Variants in SCP2 observed in about 807,000 individuals in gnomAD.
SCP2 encodes the protein sterol carrier protein 2.
Under a neutral mutation model 71.4 loss-of-function variants are expected in SCP2, and 48 were observed. The observed-to-expected ratio is 0.67, with a 90% confidence interval of 0.53 to 0.86. The LOEUF (loss-of-function observed/expected upper bound fraction) is 0.86, where lower values mean the gene tolerates loss of function less well. SCP2 is among the 40% of genes least tolerant of loss of function. The probability of loss-of-function intolerance (pLI) is 0.00; values close to 1 mark genes in which losing one functional copy is unlikely to be tolerated. For missense variants in SCP2, 560 were observed against 655.6 expected, an observed-to-expected ratio of 0.85 and a Z score of 1.59; for synonymous variants, 220 against 218.1, an observed-to-expected ratio of 1.01 and a Z score of -0.08.
intron 13 of SCP2, among the ~76,000 whole-genome samples, chr1:53,038,626 A>G (rs1444491766): frequency 6.6e-6 from 1 of 152,052 alleles, no homozygotes; most frequent in Non-Finnish European, 1.5e-5. Context: ...GCTGGCCTCC[A>G]ACTCTTGGGC....
chr1:52,943,861 T>G (rs773912082), intron 2 of SCP2: 18 of 448,202 alleles, frequency 4.0e-5, no homozygotes, highest in Non-Finnish European at 6.7e-5. Context: ...TGCGAGCAGC[T>G]TTTATAGCCA....
intron 10 of SCP2, among the ~76,000 whole-genome samples, chr1:52,987,366 T>C (rs930426331): frequency 6.6e-6 from 1 of 152,184 alleles, no homozygotes; most frequent in Non-Finnish European, 1.5e-5. Flanking sequence ...CCATCATTAC[T>C]ATCATTATTT....
At chr1:53,036,476 T>C (rs1275479741) in intron 13 of SCP2, among the ~76,000 whole-genome samples, 1 of 149,738 alleles carries the variant, frequency 6.7e-6, no homozygotes, top group Non-Finnish European at 1.5e-5. Flanking sequence ...TAGGTTTGAA[T>C]TCTTGCTCTT....
chr1:52,927,320 G>A lies in SCP2; in HGVS notation c.-77G>A, dbSNP rs1206089911. On this transcript the variant is annotated 5_prime_UTR_variant, in exon 1 of 16. Coordinates refer to ENST00000371514, the MANE Select transcript of SCP2 (RefSeq NM_002979.5). ...CGCGGCCCTGGCTTCGGGCTTCAGG[G>A]AGCTCTGGTGCAGTCTCCGCCTGTC... The A allele has an allele frequency of 3.9e-6, 5 of 1,297,068 alleles. No homozygotes were observed. Among genetic ancestry groups the A allele is most frequent in the African/African-American group, 1.5e-5 (1 of 68,216 alleles). The allele number at this position is 1,297,068 out of a possible 1,614,324, so 80.3% of individuals were successfully genotyped here. A position where few individuals can be genotyped will look rare whatever the true frequency, so the allele number is the denominator to read the frequency against.
At chr1:53,014,304 A>T (rs1291382809) in intron 11 of SCP2, among the ~76,000 whole-genome samples, 1 of 152,176 alleles carries the variant, frequency 6.6e-6, no homozygotes, top group Non-Finnish European at 1.5e-5. Context: ...CTTACCTCTG[A>T]AATTAGCCTG....
intron 2 of SCP2, chr1:52,943,888 T>C: frequency 2.2e-6 from 1 of 447,040 alleles, no homozygotes; most frequent in African/African-American, 2.1e-5. Flanking sequence ...TCCTGGATGC[T>C]TTACCAGTGG....
intron 14 of SCP2, among the ~76,000 whole-genome samples, chr1:53,042,736 A>G (rs1380478672): frequency 6.6e-6 from 1 of 152,236 alleles, no homozygotes; most frequent in Admixed American, 6.5e-5. Context: ...TTGCTAGTTC[A>G]TTTGGCATGT....
Position 52,945,744 on chromosome 1 carries a change from AATATATAT to A in SCP2, c.128-2256_128-2249del, listed in dbSNP as rs147167752. Among the ~76,000 whole-genome samples, 35 of 145,786 alleles carry A rather than the reference AATATATAT, an allele frequency of 2.4e-4. 1 individual carries two copies. Among genetic ancestry groups the A allele is most frequent in the African/African-American group, 8.3e-4 (32 of 38,336 alleles). ...GGAAAAGAATGTTTAAGTTGTGCAT[AATATATAT>A]ATATATATGCCATTATTTTTGTTGG... On this transcript the variant is annotated intron_variant, in intron 2 of 15. Transcript: ENST00000371514.
At chr1:52,949,815 G>C (rs1655131513) in intron 3 of SCP2, among the ~76,000 whole-genome samples, 1 of 152,208 alleles carries the variant, frequency 6.6e-6, no homozygotes, top group East Asian at 1.9e-4. Context: ...AAAGTGTAAT[G>C]ATTTCTTTAC....
intron 14 of SCP2, among the ~76,000 whole-genome samples, chr1:53,046,701 C>G (rs1255977714): frequency 2.6e-5 from 4 of 152,126 alleles, no homozygotes; most frequent in African/African-American, 9.7e-5. Flanking sequence ...TGGAACATAG[C>G]CAACATTTGT....
chr1:52,968,146 T>G (rs758734111), intron 6 of SCP2, among the ~76,000 whole-genome samples: 1 of 152,216 alleles, frequency 6.6e-6, no homozygotes, highest in African/African-American at 2.4e-5. Context: ...TTCTCCATGT[T>G]GGTCAGGCTG....
At chr1:52,952,944 G>A (rs1305787326) in intron 4 of SCP2, among the ~76,000 whole-genome samples, 1 of 151,344 alleles carries the variant, frequency 6.6e-6, no homozygotes, top group Non-Finnish European at 1.5e-5. Flanking sequence ...TTTGATTGTT[G>A]ATCACTATTT....
rs186478745 is a variant in SCP2 at position 52,999,749 on chromosome 1, A to C, written c.1081+11613A>C. On this transcript the variant is annotated intron_variant, in intron 11 of 15. Transcript: ENST00000371514. ...AAAACACATTAGTGTTCAGGTAATAATGTCATATTTTATTCCAGTTTTCAA... is the reference window on the plus strand; with the variant it reads ...AAAACACATTAGTGTTCAGGTAATACTGTCATATTTTATTCCAGTTTTCAA... Among the ~76,000 whole-genome samples the C allele has an allele frequency of 1.9e-3, 292 of 151,622 alleles. 1 individual carries two copies. Among genetic ancestry groups the C allele is most frequent in the Admixed American group, 6.0e-3 (91 of 15,168 alleles).
rs563183018 is a variant in SCP2, at chr1:52,951,555, T to TAA, written c.331+692_331+693dup. Reference sequence around the variant, plus strand: ...CTGGGCCACACAGTGAGACTGTCTCTAAAAAAAAAAAAAAAAAAAAAAAAT... The same window carrying TAA: ...CTGGGCCACACAGTGAGACTGTCTCTAAAAAAAAAAAAAAAAAAAAAAAAAAT... On this transcript the variant is annotated intron_variant, in intron 4 of 15. Transcript: ENST00000371514. Among the ~76,000 whole-genome samples the TAA allele has an allele frequency of 6.0e-3, 438 of 72,498 alleles. 7 individuals are homozygous for TAA. Among genetic ancestry groups the TAA allele is most frequent in the African/African-American group, 0.017 (363 of 21,606 alleles). The allele number at this position is 72,498 out of a possible 152,430, so 47.6% of individuals were successfully genotyped here.
intron 12 of SCP2, among the ~76,000 whole-genome samples, chr1:53,015,553 C>T (rs1661278246): frequency 6.6e-6 from 1 of 152,188 alleles, no homozygotes; most frequent in Non-Finnish European, 1.5e-5. Context: ...TCCCTCAACT[C>T]CCTTGCTTAT....
At chr1:52,946,019 C>T (rs1654753756) in intron 2 of SCP2, among the ~76,000 whole-genome samples, 1 of 151,550 alleles carries the variant, frequency 6.6e-6, no homozygotes, top group African/African-American at 2.4e-5. Context: ...GCCTTGACCT[C>T]CTGGGCTCAA....
chr1:52,929,212 T>A (rs907656468), intron 1 of SCP2, among the ~76,000 whole-genome samples: 1 of 151,136 alleles, frequency 6.6e-6, no homozygotes, highest in Non-Finnish European at 1.5e-5. Flanking sequence ...TTTTTTTTTT[T>A]TGGAAGACGG....
chr1:52,965,738 G>T (rs1350389932), intron 6 of SCP2, among the ~76,000 whole-genome samples: 1 of 151,724 alleles, frequency 6.6e-6, no homozygotes, highest in Admixed American at 6.6e-5. Context: ...GGATTCAAGC[G>T]ATTCTCCTGC....
chr1:53,020,075 C>T (rs956482360), intron 12 of SCP2, among the ~76,000 whole-genome samples: 4 of 152,020 alleles, frequency 2.6e-5, no homozygotes, highest in Admixed American at 6.6e-5. Context: ...TTAGTAGAGA[C>T]GGAGTTTTGC....
Sources: gnomAD v4.1 joint callset for allele counts (sites outside exome capture counted in the v4.1 genomes callset) on GRCh38, gnomAD v4.1.1 for gene constraint, MANE v1.5 for transcripts, NCBI Gene and HGNC (gene_info 2026-07-23, HGNC 2026-07-21) for gene names.